SLC2A9: variants seen among roughly 807,000 people sequenced by gnomAD.
The protein encoded by SLC2A9 is solute carrier family 2 member 9, also known as solute carrier family 2, facilitated glucose transporter member 9.
SLC2A9 carries 39 observed loss-of-function variants against 50.6 expected under a neutral mutation model. The ratio of observed to expected loss-of-function variants is 0.77; its 90% CI spans 0.60 to 1.01. SLC2A9 has a LOEUF of 1.01. SLC2A9 is among the 50% of genes least tolerant of loss of function. The probability of loss-of-function intolerance (pLI) is 0.00; values close to 1 mark genes in which losing one functional copy is unlikely to be tolerated. For synonymous variants in SLC2A9, 324 were observed against 276.9 expected (o/e 1.17, Z -1.69); for missense variants, 686 against 677.6 (o/e 1.01, Z -0.14).
intron 1 of SLC2A9, among the ~76,000 whole-genome samples, chr4:10,036,386 T>C (rs1764106202): frequency 6.6e-6 from 1 of 152,244 alleles, no homozygotes; most frequent in African/African-American, 2.4e-5. Context: ...ACGAAATGTC[T>C]GATCACAGTG....
At chr4:9,773,196 G>T (rs1042925507) in intron 1 of SLC2A9, among the ~76,000 whole-genome samples, 5 of 152,192 alleles carry the variant, frequency 3.3e-5, no homozygotes, top group African/African-American at 1.2e-4. Flanking sequence ...ACCATCAGGG[G>T]TCCTGTGGTT....
At chr4:9,910,159 A>G (rs1188549076) in intron 7 of SLC2A9, among the ~76,000 whole-genome samples, 2 of 152,234 alleles carry the variant, frequency 1.3e-5, no homozygotes, top group South Asian at 2.1e-4. Context: ...ACATCCATCT[A>G]TTGGCAAAAA....
intron 3 of SLC2A9, among the ~76,000 whole-genome samples, chr4:9,791,122 T>C (rs1719865383): frequency 6.6e-6 from 1 of 152,172 alleles, no homozygotes; most frequent in South Asian, 2.1e-4. Context: ...AATAATTCAG[T>C]GGGCCAAGCT....
intron 5 of SLC2A9, among the ~76,000 whole-genome samples, chr4:9,976,741 C>T (rs746257362): frequency 1.3e-5 from 2 of 152,226 alleles, no homozygotes; most frequent in Non-Finnish European, 2.9e-5. Flanking sequence ...TGGCTGGCAT[C>T]ATGTTCATGA....
chr4:9,945,440 A>C (rs917883004), intron 5 of SLC2A9, among the ~76,000 whole-genome samples: 10 of 152,112 alleles, frequency 6.6e-5, no homozygotes, highest in Non-Finnish European at 1.5e-4. Context: ...TGGATAGTTC[A>C]TCTCTTCTCA....
At chr4:9,831,648 T>C (rs1726167048) in intron 11 of SLC2A9, among the ~76,000 whole-genome samples, 1 of 151,896 alleles carries the variant, frequency 6.6e-6, no homozygotes, top group African/African-American at 2.4e-5. Context: ...ATCTGCAAAA[T>C]GGAAAGAGGG....
intron 2 of SLC2A9, chr4:10,006,332 T>C (rs1021652062): frequency 1.3e-5 from 2 of 152,196 alleles, no homozygotes; most frequent in African/African-American, 4.8e-5. Flanking sequence ...TCCCGTGAAC[T>C]CACTTGGAAC....
intron 6 of SLC2A9, among the ~76,000 whole-genome samples, chr4:9,938,206 A>C (rs1331956741): frequency 6.6e-6 from 1 of 152,176 alleles, no homozygotes; most frequent in Non-Finnish European, 1.5e-5. Flanking sequence ...CTTAATATAT[A>C]AAGTCATAAT....
chr4:9,907,452 C>T (rs940180626), intron 8 of SLC2A9, among the ~76,000 whole-genome samples: 1 of 152,236 alleles, frequency 6.6e-6, no homozygotes, highest in African/African-American at 2.4e-5. Context: ...GGTTGAGAAA[C>T]AGTGAGGAGC....
downstream of SLC2A9, among the ~76,000 whole-genome samples, chr4:9,795,007 CTTT>C (rs3060726): frequency 6.3e-5 from 6 of 95,190 alleles, no homozygotes; most frequent in Admixed American, 1.3e-4. Context: ...TTAACCCATC[CTTT>C]TTTTTTTTTT....
chr4:9,993,957 A>G (rs920341832), intron 3 of SLC2A9, among the ~76,000 whole-genome samples: 3 of 152,098 alleles, frequency 2.0e-5, no homozygotes, highest in African/African-American at 7.2e-5. Flanking sequence ...GACCAGCCCC[A>G]TCGGAACTCT....
intron 8 of SLC2A9, among the ~76,000 whole-genome samples, chr4:9,899,559 T>C (rs1342978031): frequency 6.6e-6 from 1 of 152,164 alleles, no homozygotes; most frequent in East Asian, 1.9e-4. Context: ...CAGAAACAAT[T>C]TTCTGCTTGG....
Position 9,773,938 on chromosome 4 carries a change from G to A in SLC2A9, n.182-2569C>T, listed in dbSNP as rs183659377. ...ATTATATTATATTTTGCATCATAAG[G>A]TCTTATTGATACACAGAACACTCTC... On this transcript the variant is annotated intron_variant and non_coding_transcript_variant, in intron 1 of 1. Transcript: ENST00000508585. Among the ~76,000 whole-genome samples, 14 of 151,658 alleles carry A rather than the reference G, an allele frequency of 9.2e-5. 1 individual carries two copies. In the South Asian group the frequency reaches 2.1e-3, roughly 23 times the overall value.
At chr4:9,900,143 G>C (rs149252680) in intron 8 of SLC2A9, among the ~76,000 whole-genome samples, 2 of 152,340 alleles carry the variant, frequency 1.3e-5, no homozygotes, top group African/African-American at 4.8e-5. Context: ...CATAGCAGGA[G>C]CATCGAGTTG....
chr4:10,016,828 T>C (rs1200180903), intron 2 of SLC2A9, among the ~76,000 whole-genome samples: 2 of 151,592 alleles, frequency 1.3e-5, no homozygotes, highest in East Asian at 3.9e-4. Flanking sequence ...CCCACCCCCA[T>C]GAATCTGCCA....
At chr4:9,817,772 C>A (rs1723809291) in intron 3 of SLC2A9, among the ~76,000 whole-genome samples, 1 of 152,064 alleles carries the variant, frequency 6.6e-6, no homozygotes, top group Non-Finnish European at 1.5e-5. Context: ...TTTGCCCTAC[C>A]AAACTTGAGT....
intron 10 of SLC2A9, chr4:9,879,140 A>C: frequency 1.0e-6 from 1 of 984,586 alleles, no homozygotes; most frequent in Non-Finnish European, 1.2e-6. Context: ...AGGACTGACC[A>C]ACCATGGCCA....
At chr4:9,868,005 G>A (rs531438369) in intron 10 of SLC2A9, among the ~76,000 whole-genome samples, 8 of 152,172 alleles carry the variant, frequency 5.3e-5, no homozygotes, top group South Asian at 2.1e-4. Context: ...GTCACACCTC[G>A]GCAATTCTGC....
At chr4:10,024,101 C>T (rs1319053029), upstream of SLC2A9, among the ~76,000 whole-genome samples, 6 of 152,294 alleles carry the variant, frequency 3.9e-5, no homozygotes, top group Non-Finnish European at 7.4e-5. Flanking sequence ...CTGAACTGTG[C>T]TCACCCTTCA....
Sources: allele counts gnomAD v4.1 joint callset (sites outside exome capture counted in the v4.1 genomes callset), GRCh38; gene constraint gnomAD v4.1.1; transcripts MANE v1.5; gene names NCBI Gene and HGNC (gene_info 2026-07-23, HGNC 2026-07-21).